FAP: variants seen among roughly 807,000 people sequenced by gnomAD.
The protein encoded by FAP is prolyl endopeptidase FAP.
FAP carries 110 observed loss-of-function variants against 126.5 expected under a neutral mutation model. The observed-to-expected ratio is 0.87, with a 90% CI of 0.74 to 1.02. FAP has a LOEUF of 1.02. Among genes scored for constraint, FAP ranks in the 50% least tolerant of loss-of-function variants. The probability of loss-of-function intolerance (pLI) is 0.00; values close to 1 mark genes in which losing one functional copy is unlikely to be tolerated. For missense variants in FAP, 919 were observed against 909.2 expected, an observed-to-expected ratio of 1.01 and a Z score of -0.14; for synonymous variants, 334 against 297.3, an observed-to-expected ratio of 1.12 and a Z score of -1.27.
Position 162,174,914 on chromosome 2 carries a change from A to G in FAP, c.1922T>C (p.Phe641Ser). The G allele has an allele frequency of 6.2e-7, 1 of 1,612,954 alleles. No individual in the cohort carries two copies. Among genetic ancestry groups the G allele is most frequent in the Non-Finnish European group, 8.5e-7 (1 of 1,179,190 alleles). The part of the protein sequence containing the change: ...SLALASGTGL[F>S]KCGIAVAPVS... ...TGGAGCCACTGCTATACCACATTTG[A>G]AAAGACCAGTTCCAGATGCAAGGGC... The change falls in exon 22 of 26, where the codon TTC (phenylalanine) becomes TCC (serine). Residue 641 changes from phenylalanine to serine, a missense_variant. Phe to Ser is a radical substitution (Grantham distance 155, BLOSUM62 -2). Transcript: ENST00000188790.
intron 2 of FAP, among the ~76,000 whole-genome samples, chr2:162,229,693 T>A (rs1319938799): frequency 6.6e-6 from 1 of 152,188 alleles, no homozygotes; most frequent in African/African-American, 2.4e-5. Flanking sequence ...CTCAAAAAGA[T>A]TCTAAGAATT....
At chr2:162,190,513 A>T (rs1175128983) in intron 17 of FAP, among the ~76,000 whole-genome samples, 1 of 152,120 alleles carries the variant, frequency 6.6e-6, no homozygotes, top group African/African-American at 2.4e-5. Context: ...TAATATTTGA[A>T]AAGGAACAAA....
At chr2:162,173,360 A>T (rs971112332) in intron 23 of FAP, 139 bp from the exon 24 acceptor site, 8 of 670,206 alleles carry the variant, frequency 1.2e-5, no homozygotes, top group Non-Finnish European at 2.1e-5. Flanking sequence ...AGTCAGAGCA[A>T]CACATTTTCA....
chr2:162,173,661 C>CT, intron 23 of FAP, 62 bp downstream of exon 23: 3 of 1,145,974 alleles, frequency 2.6e-6, no homozygotes, highest in Non-Finnish European at 3.9e-6. Context: ...TGAACTACTG[C>CT]TTTTAAGTTA....
In FAP at chr2:162,173,736, A is replaced by C. The variant is rs1384587838; in HGVS notation, c.2021T>G (p.Leu674Arg). 2 of 1,602,120 alleles carry C rather than the reference A, an allele frequency of 1.2e-6. No homozygotes were observed. The highest frequency in any genetic ancestry group is 1.7e-6 in the Non-Finnish European group (2 of 1,169,282). ...FMGLPTKDDN[L>R]EHYKNSTVMA... ...GGAAACACTTACCTTATAGTGCTCA[A>C]GATTATCATCCTTTGTTGGGAGACC... Residue 674 changes from leucine (L) to arginine (R), a missense_variant, in exon 23 of 26, where the codon CTT becomes CGT. Leu to Arg is a moderately radical substitution (Grantham distance 102, BLOSUM62 -2). Transcript: ENST00000188790.
intron 25 of FAP, 79 bp downstream of exon 25, chr2:162,172,732 A>T: frequency 1.1e-6 from 1 of 896,412 alleles, no homozygotes; most frequent in Non-Finnish European, 1.8e-6. Context: ...TTTAAAAGTT[A>T]AAAAAAATAA....
chr2:162,214,596 T>C (rs1157171249), intron 10 of FAP, among the ~76,000 whole-genome samples: 3 of 150,632 alleles, frequency 2.0e-5, no homozygotes, highest in Non-Finnish European at 4.4e-5. Flanking sequence ...ACTCAAATAA[T>C]GTTTGGCACA....
chr2:162,215,969 A>G lies in FAP; in HGVS notation c.795T>C (p.Phe265=), dbSNP rs201194926. 2 of 1,614,120 alleles carry G rather than the reference A, an allele frequency of 1.2e-6. No individual in the cohort carries two copies. The highest frequency in any genetic ancestry group is 1.7e-6 in the Non-Finnish European group (2 of 1,179,970). The change falls in exon 10 of 26, where the codon TTT becomes TTC. Residue 265 remains phenylalanine, a synonymous_variant. Transcript: ENST00000188790. ...ACGCAGGGTAAGTGGTATCGATAAT[A>G]AATATCCGAACAACGGGATTCTTAG... ...AGAKNPVVRI[F]IIDTTYPAYV...
At chr2:162,216,064 A>C in intron 9 of FAP, 63 bp from the exon 10 acceptor site, 1 of 1,187,394 alleles carries the variant, frequency 8.4e-7, no homozygotes, top group Non-Finnish European at 1.2e-6. Context: ...ATTTTAAAGA[A>C]ACTTTAGGAA....
chr2:162,171,006 T>C lies in FAP; in HGVS notation c.2256A>G (p.Leu752=), dbSNP rs1475519183. The C allele has an allele frequency of 6.2e-7, 1 of 1,613,088 alleles. No homozygotes were observed. The highest frequency in any genetic ancestry group is 8.5e-7 in the Non-Finnish European group (1 of 1,179,350). The part of the protein sequence containing the change: ...NHLYTHMTHF[L]KQCFSLSD ...AGTCTGACAAAGAGAAACACTGCTT[T>C]AGGAAGTGGGTCATGTGGGTGTATA... The change falls in exon 26 of 26, where the codon CTA becomes CTG. Residue 752 remains leucine (L), a synonymous_variant. Transcript: ENST00000188790.
At chr2:162,224,708 A>G (rs1397277874) in intron 4 of FAP, among the ~76,000 whole-genome samples, 168 bp from the exon 5 acceptor site, 1 of 152,198 alleles carries the variant, frequency 6.6e-6, no homozygotes, top group Non-Finnish European at 1.5e-5. Context: ...AAAGAAATTT[A>G]CTAGATACTA....
intron 2 of FAP, among the ~76,000 whole-genome samples, chr2:162,228,482 C>G (rs1689753549): frequency 6.6e-6 from 1 of 152,070 alleles, no homozygotes; most frequent in Admixed American, 6.6e-5. Context: ...CATGTATGCT[C>G]CACACTTTTG....
At chr2:162,194,476 A>G (rs1225563343) in intron 17 of FAP, among the ~76,000 whole-genome samples, 1 of 152,164 alleles carries the variant, frequency 6.6e-6, no homozygotes, top group African/African-American at 2.4e-5. Context: ...TAACTCATCT[A>G]TCTGTGTTAT....
intron 2 of FAP, among the ~76,000 whole-genome samples, chr2:162,229,763 A>T (rs956580755): frequency 6.6e-6 from 1 of 152,166 alleles, no homozygotes; most frequent in African/African-American, 2.4e-5. Flanking sequence ...ACTTGATACT[A>T]TATTTCATAT....
At chr2:162,198,731 G>A in intron 16 of FAP, 26 bp downstream of exon 16, 1 of 1,613,336 alleles carries the variant, frequency 6.2e-7, no homozygotes, top group Non-Finnish European at 8.5e-7. Flanking sequence ...TGGGGATGCT[G>A]TGCTTATGTG....
At chr2:162,219,216 A>T (rs565174918) in intron 7 of FAP, 33 bp from the exon 8 acceptor site, 5 of 1,583,300 alleles carry the variant, frequency 3.2e-6, no homozygotes, top group Non-Finnish European at 4.3e-6. Context: ...ATTCCACAAC[A>T]AATTAAATGA....
At chr2:162,232,632 G>T (rs1689944449) in intron 2 of FAP, among the ~76,000 whole-genome samples, 1 of 152,064 alleles carries the variant, frequency 6.6e-6, no homozygotes, top group African/African-American at 2.4e-5. Flanking sequence ...GAATGTCTCA[G>T]CTCTAACAGC....
At chr2:162,240,796 T>C (rs1690316462) in intron 2 of FAP, among the ~76,000 whole-genome samples, 1 of 152,204 alleles carries the variant, frequency 6.6e-6, no homozygotes, top group Non-Finnish European at 1.5e-5. Flanking sequence ...AATTCTCTGT[T>C]CTTTTTACCC....
chr2:162,224,319 G>C (rs760090986), intron 5 of FAP, 147 bp downstream of exon 5: 16 of 570,080 alleles, frequency 2.8e-5, no homozygotes, highest in Non-Finnish European at 4.7e-5. Context: ...CCATAAGATT[G>C]AAACATATCA....
Sources: allele counts gnomAD v4.1 joint callset (sites outside exome capture counted in the v4.1 genomes callset), GRCh38; gene constraint gnomAD v4.1.1; transcripts MANE v1.5; gene names NCBI Gene and HGNC (gene_info 2026-07-23, HGNC 2026-07-21).